Variants in PPARA observed in about 807,000 individuals in gnomAD.
PPARA encodes the protein peroxisome proliferator-activated receptor alpha.
A neutral mutation model predicts 42.2 loss-of-function variants in PPARA; 22 were observed. That is an observed-to-expected ratio of 0.52 (90% CI 0.37 to 0.74). The LOEUF (loss-of-function observed/expected upper bound fraction) is 0.74, where lower values mean the gene tolerates loss of function less well. Among genes scored for constraint, PPARA ranks in the 30% least tolerant of loss-of-function variants. The probability of loss-of-function intolerance (pLI) is 0.00; values close to 1 mark genes in which losing one functional copy is unlikely to be tolerated. For missense variants in PPARA, 465 were observed against 608.2 expected, an observed-to-expected ratio of 0.76 and a Z score of 2.48; for synonymous variants, 242 against 239.3, an observed-to-expected ratio of 1.01 and a Z score of -0.10.
At chr22:46,176,907 G>C (rs1032713865) in intron 3 of PPARA, 71 bp downstream of exon 3, 1 of 152,172 alleles carries the variant, frequency 6.6e-6, no homozygotes, top group Non-Finnish European at 1.5e-5. Context: ...GATCCTTTGA[G>C]CACTTTTAAA....
At chr22:46,202,596 G>A (rs1308661734) in intron 4 of PPARA, among the ~76,000 whole-genome samples, 1 of 151,856 alleles carries the variant, frequency 6.6e-6, no homozygotes, top group Non-Finnish European at 1.5e-5. Context: ...AAATTAGCTG[G>A]GCGTGGAGGC....
chr22:46,181,312 C>T (rs548925409), intron 3 of PPARA, among the ~76,000 whole-genome samples: 1 of 152,112 alleles, frequency 6.6e-6, no homozygotes, highest in Non-Finnish European at 1.5e-5. Context: ...TGCTCTGAGG[C>T]GAGTGTGTGA....
chr22:46,180,217 G>A lies in PPARA; in HGVS notation c.-43+3381G>A, dbSNP rs1258824766. Among the ~76,000 whole-genome samples, 1 of 150,122 alleles carries A rather than the reference G, an allele frequency of 6.7e-6. No homozygotes were observed. The highest frequency in any genetic ancestry group is 1.5e-5 in the Non-Finnish European group (1 of 67,642). On this transcript the variant is annotated intron_variant, in intron 3 of 8. Transcript: ENST00000407236. The surrounding 1 kb of genome is among the most constrained non-coding windows in gnomAD (Gnocchi z 4.2). ...TGCTTTTTTTTTTTTTTGAGATGGA[G>A]TCTTGCTCTCCCAGGCTGGAGTACA...
At chr22:46,175,057 G>A (rs375203134) in intron 2 of PPARA, among the ~76,000 whole-genome samples, 10 of 151,932 alleles carry the variant, frequency 6.6e-5, no homozygotes, top group East Asian at 3.9e-4. Context: ...GTTCATAGGC[G>A]TGCACCACAC....
chr22:46,159,473 T>C (rs568449853), intron 2 of PPARA, among the ~76,000 whole-genome samples: 4 of 152,114 alleles, frequency 2.6e-5, no homozygotes, highest in East Asian at 3.9e-4. Flanking sequence ...GCAAGGGAGG[T>C]TGGGCTTCCC....
In PPARA at chr22:46,173,505, A is replaced by G. The variant is rs1928409590; in HGVS notation, c.-126-3248A>G. On this transcript the variant is annotated intron_variant, in intron 2 of 8. Coordinates refer to ENST00000407236, the MANE Select transcript of PPARA (RefSeq NM_005036.6). This position sits in a 1 kb window ranked among gnomAD's most constrained non-coding sequence, Gnocchi z 4.3. ...ATATAAGTTACTATAAGTCAGTACTAAGGCAGCTGCTACATTCTGTTTGCC... is the reference window on the plus strand; with the variant it reads ...ATATAAGTTACTATAAGTCAGTACTGAGGCAGCTGCTACATTCTGTTTGCC... Among the ~76,000 whole-genome samples the G allele has an allele frequency of 6.6e-6, 1 of 152,226 alleles. No homozygotes were observed. The highest frequency in any genetic ancestry group is 1.5e-5 in the Non-Finnish European group (1 of 68,040).
intron 4 of PPARA, among the ~76,000 whole-genome samples, chr22:46,206,171 G>C (rs1174288726): frequency 6.6e-6 from 1 of 151,980 alleles, no homozygotes; most frequent in Non-Finnish European, 1.5e-5. Context: ...GCGCTATCTC[G>C]GCTCACTGCA....
intron 4 of PPARA, among the ~76,000 whole-genome samples, chr22:46,213,614 A>G (rs555438189): frequency 6.1e-5 from 9 of 147,220 alleles, no homozygotes; most frequent in Non-Finnish European, 7.5e-5. Flanking sequence ...TTTTGAGATG[A>G]AGTCTCGCTC....
At position 46,235,410 on chromosome 22, in the gene PPARA, G is replaced by T; in HGVS notation, c.*30G>T. The T allele has an allele frequency of 5.0e-6, 8 of 1,610,444 alleles. No individual in the cohort carries two copies. The highest frequency in any genetic ancestry group is 6.8e-6 in the Non-Finnish European group (8 of 1,178,946). On this transcript the variant is annotated 3_prime_UTR_variant, in exon 9 of 9. Transcript: ENST00000407236. This position sits in a 1 kb window ranked among gnomAD's most constrained non-coding sequence, Gnocchi z 7.0. ...CTTCAGATCAGCCACACCTTTTCCA[G>T]GAGTTCTGAAGCTGACAGCACTACA...
At chr22:46,176,998 T>C (rs4253664) in intron 3 of PPARA, among the ~76,000 whole-genome samples, 162 bp downstream of exon 3, 10,770 of 152,118 alleles carry the variant, frequency 0.071, 617 homozygotes, top group African/African-American at 0.16. Flanking sequence ...ATCACGAGGT[T>C]AGGAGATTGA....
rs766845066 is a variant in PPARA, at chr22:46,198,395, G to C, written c.12G>C (p.Thr4=). 1 of 1,613,668 alleles carries C rather than the reference G, an allele frequency of 6.2e-7. No homozygotes were observed. The highest frequency in any genetic ancestry group is 1.3e-5 in the African/African-American group (1 of 74,872). ...ACCATCTGGTCGCGATGGTGGACAC[G>C]GAAAGCCCACTCTGCCCCCTCTCCC... The part of the protein sequence containing the change: MVD[T]ESPLCPLSPL... Residue 4 remains threonine (T), a synonymous_variant, in exon 4 of 9, where the codon ACG becomes ACC. Transcript: ENST00000407236.
rs111523079 is a variant in PPARA, at chr22:46,161,778, C to T, written c.-127+9808C>T. ...TGTGGACTTTCCGACTGTGTGTGTG[C>T]GACTTCCTCAGAGCCCTCAGTGGCG... On this transcript the variant is annotated intron_variant, in intron 2 of 8. Transcript: ENST00000407236. The surrounding 1 kb of genome is among the most constrained non-coding windows in gnomAD (Gnocchi z 4.8). Among the ~76,000 whole-genome samples, 44 of 152,298 alleles carry T rather than the reference C, an allele frequency of 2.9e-4. No homozygotes were observed. Among genetic ancestry groups the T allele is most frequent in the African/African-American group, 4.8e-4 (20 of 41,554 alleles).
In PPARA at chr22:46,211,382, T is replaced by C. The variant is rs1462280270; in HGVS notation, c.209-3791T>C. ...CACACCCTGTGGGAAAAAAACTCCA[T>C]CAGCTAGAGCACAGTGTTTACAGCC... On this transcript the variant is annotated intron_variant, in intron 4 of 8. Transcript: ENST00000407236. The surrounding 1 kb of genome is among the most constrained non-coding windows in gnomAD (Gnocchi z 4.1). Among the ~76,000 whole-genome samples the C allele has an allele frequency of 1.3e-5, 2 of 152,318 alleles. No individual in the cohort carries two copies. Among genetic ancestry groups the C allele is most frequent in the East Asian group, 3.9e-4 (2 of 5,180 alleles).
rs1381415416 is a variant in PPARA at position 46,190,268 on chromosome 22, A to G, written c.-42-8074A>G. ...GAGAAGACTTCCATCCTTTACCCTC[A>G]AAGTGTTCCATGAGGTTGGATCAGA... On this transcript the variant is annotated intron_variant, in intron 3 of 8. Transcript: ENST00000407236. The surrounding 1 kb of genome is among the most constrained non-coding windows in gnomAD (Gnocchi z 5.6). 6.6e-6 allele frequency among the ~76,000 whole-genome samples: 1 copy of G among 152,194 alleles called. No homozygotes were observed. Among genetic ancestry groups the G allele is most frequent in the African/African-American group, 2.4e-5 (1 of 41,448 alleles).
rs758054287 is a variant in PPARA, at chr22:46,203,806, G to A, written c.208+5215G>A. On this transcript the variant is annotated intron_variant, in intron 4 of 8. Transcript: ENST00000407236. This position sits in a 1 kb window ranked among gnomAD's most constrained non-coding sequence, Gnocchi z 5.8. Reference sequence around the variant, plus strand: ...TCTCCCAATGCCCAGGTGGGTCCCCGTCCCTTGCGGGCCTGTCCAGACAAG... The same window carrying A: ...TCTCCCAATGCCCAGGTGGGTCCCCATCCCTTGCGGGCCTGTCCAGACAAG... Among the ~76,000 whole-genome samples, 1 of 152,134 alleles carries A rather than the reference G, an allele frequency of 6.6e-6. No homozygotes were observed. Among genetic ancestry groups the A allele is most frequent in the South Asian group, 2.1e-4 (1 of 4,822 alleles).
chr22:46,228,810 T>A (rs577060259), intron 7 of PPARA, among the ~76,000 whole-genome samples: 9 of 152,082 alleles, frequency 5.9e-5, no homozygotes, highest in East Asian at 3.9e-4. Flanking sequence ...ACTCATTTTT[T>A]AAAAAAATTA....
rs1178435835 is a variant in PPARA, at chr22:46,219,765, GTCATGACC to G, written c.509-43_509-36del. The stretch of plus-strand genomic sequence containing the variant: ...CCCCTCGTCCAGCCCTGTCCGCGCA[GTCATGACC>G]TCACTGCTCATGCCTGTGTTTCCCC... On this transcript the variant is annotated intron_variant, in intron 6 of 8. Transcript: ENST00000407236. The surrounding 1 kb of genome is among the most constrained non-coding windows in gnomAD (Gnocchi z 4.8). The G allele has an allele frequency of 6.3e-7, 1 of 1,599,712 alleles. No individual in the cohort carries two copies. Among genetic ancestry groups the G allele is most frequent in the Non-Finnish European group, 8.6e-7 (1 of 1,167,464 alleles).
At chr22:46,172,134 A>G (rs985948573) in intron 2 of PPARA, among the ~76,000 whole-genome samples, 1 of 151,950 alleles carries the variant, frequency 6.6e-6, no homozygotes, top group African/African-American at 2.4e-5. Flanking sequence ...GCCATGCTCG[A>G]GAAGAGCCCA....
intron 3 of PPARA, among the ~76,000 whole-genome samples, chr22:46,198,099 G>GTGGTGGCA (rs1479762635): frequency 1.3e-5 from 2 of 149,284 alleles, no homozygotes; most frequent in African/African-American, 4.9e-5. Flanking sequence ...TTAGCCAGGC[G>GTGGTGGCA]TGGTGGCAGG....
Sources: gnomAD v4.1 joint callset for allele counts (sites outside exome capture counted in the v4.1 genomes callset) on GRCh38, gnomAD v4.1.1 for gene constraint, Gnocchi (gnomAD v3.1) non-coding constraint, MANE v1.5 for transcripts, NCBI Gene and HGNC (gene_info 2026-07-23, HGNC 2026-07-21) for gene names.